COLEC12: variants seen among roughly 807,000 people sequenced by gnomAD.
COLEC12 encodes the protein collectin subfamily member 12, also known as collectin-12.
COLEC12 carries 33 observed loss-of-function variants against 71.1 expected under a neutral mutation model. That is an observed-to-expected ratio of 0.46 (90% confidence interval 0.35 to 0.62). COLEC12 has a LOEUF of 0.62. COLEC12 is among the 20% of genes least tolerant of loss of function. COLEC12 has a pLI of 0.00. For missense variants in COLEC12, 765 were observed against 916.1 expected (o/e 0.84, Z 2.13); for synonymous variants, 350 against 353.0 (o/e 0.99, Z 0.10).
At chr18:372,923 C>T (rs1002687549) in intron 2 of COLEC12, among the ~76,000 whole-genome samples, 3 of 152,080 alleles carry the variant, frequency 2.0e-5, no homozygotes, top group Non-Finnish European at 4.4e-5. Flanking sequence ...GTTAAACCTT[C>T]CCCCCATCTT....
At chr18:463,154 C>A (rs1431995011) in intron 2 of COLEC12, among the ~76,000 whole-genome samples, 4 of 152,194 alleles carry the variant, frequency 2.6e-5, no homozygotes, top group Non-Finnish European at 5.9e-5. Flanking sequence ...AGCTTCCAAC[C>A]TCTGCAGGCT....
At chr18:498,653 C>T (rs1002190629) in intron 1 of COLEC12, among the ~76,000 whole-genome samples, 2 of 152,070 alleles carry the variant, frequency 1.3e-5, no homozygotes, top group Non-Finnish European at 2.9e-5. Context: ...TGAGCCACCG[C>T]GCCCCGCTGG....
At chr18:419,355 G>A (rs951753130) in intron 2 of COLEC12, among the ~76,000 whole-genome samples, 3 of 152,214 alleles carry the variant, frequency 2.0e-5, no homozygotes, top group African/African-American at 7.2e-5. Context: ...ACAGGCGCAT[G>A]CCACCACACT....
chr18:325,852 T>TG (rs1913830786), intron 8 of COLEC12, among the ~76,000 whole-genome samples: 1 of 152,014 alleles, frequency 6.6e-6, no homozygotes. Flanking sequence ...TTTGTAGAGA[T>TG]GGGGTCTTGC....
At chr18:427,281 C>A (rs1306674723) in intron 2 of COLEC12, among the ~76,000 whole-genome samples, 1 of 152,188 alleles carries the variant, frequency 6.6e-6, no homozygotes, top group African/African-American at 2.4e-5. Flanking sequence ...GATGAGTCAG[C>A]AGACAACACG....
chr18:338,197 G>T (rs1914161834), intron 5 of COLEC12, among the ~76,000 whole-genome samples: 3 of 152,118 alleles, frequency 2.0e-5, no homozygotes, highest in South Asian at 4.2e-4. Flanking sequence ...ATCCTCCCAG[G>T]CCACTTCAGA....
At chr18:448,149 G>C (rs1055628622) in intron 2 of COLEC12, among the ~76,000 whole-genome samples, 1 of 152,224 alleles carries the variant, frequency 6.6e-6, no homozygotes, top group Non-Finnish European at 1.5e-5. Flanking sequence ...CAGTGCCTTT[G>C]TGTCTCTCTT....
At position 484,276 on chromosome 18, in the gene COLEC12, T is replaced by G. The variant is rs575649167; in HGVS notation, c.8-3519A>C. Among the ~76,000 whole-genome samples the G allele has an allele frequency of 9.5e-4, 144 of 152,338 alleles. 1 individual carries two copies. The highest frequency in any genetic ancestry group is 3.2e-4 in the Non-Finnish European group (22 of 68,028). On this transcript the variant is annotated intron_variant, in intron 1 of 9. Transcript: ENST00000400256. Reference sequence around the variant, plus strand: ...TTTTGTTATTAAAGCAATTTAGCTGTGTCCTGCTTCTACCTCCAAATTAAC... The same window carrying G: ...TTTTGTTATTAAAGCAATTTAGCTGGGTCCTGCTTCTACCTCCAAATTAAC...
intron 2 of COLEC12, among the ~76,000 whole-genome samples, chr18:360,569 C>T (rs961072178): frequency 6.6e-6 from 1 of 152,196 alleles, no homozygotes; most frequent in Admixed American, 6.5e-5. Flanking sequence ...GTGGACCACA[C>T]TCAGGAACAA....
intron 2 of COLEC12, among the ~76,000 whole-genome samples, chr18:435,598 ATC>A (rs5822567): frequency 0.87 from 131,396 of 151,316 alleles, 57,818 homozygotes; most frequent in East Asian, 1. Context: ...TTAAATCCAA[ATC>A]TCTCTCTCTC....
chr18:433,955 C>A (rs555013409), intron 2 of COLEC12, among the ~76,000 whole-genome samples: 50 of 103,854 alleles, frequency 4.8e-4, no homozygotes, highest in African/African-American at 1.5e-3. Flanking sequence ...CAAAGTGAGA[C>A]CCTGCCTCAA....
chr18:418,873 C>G (rs1940434), intron 2 of COLEC12, among the ~76,000 whole-genome samples: 129,964 of 152,206 alleles, frequency 0.85, 56,395 homozygotes, highest in Non-Finnish European at 0.93. Flanking sequence ...CATTCCTTTA[C>G]TTTCTTAATA....
intron 9 of COLEC12, among the ~76,000 whole-genome samples, chr18:321,105 A>C (rs935625685): frequency 2.0e-5 from 3 of 152,174 alleles, no homozygotes; most frequent in African/African-American, 4.8e-5. Context: ...CCCAGGCTGG[A>C]GTGCAATGGT....
chr18:482,118 CT>C (rs35339618), intron 1 of COLEC12, among the ~76,000 whole-genome samples: 1,898 of 141,094 alleles, frequency 0.013, 10 homozygotes, highest in Non-Finnish European at 0.019. Flanking sequence ...AGGAGGAACA[CT>C]TTTTTTTTTT....
intron 2 of COLEC12, among the ~76,000 whole-genome samples, chr18:376,714 GA>G (rs1915122317): frequency 6.6e-6 from 1 of 152,194 alleles, no homozygotes; most frequent in African/African-American, 2.4e-5. Flanking sequence ...ACCTTGATGA[GA>G]ATCCTACATT....
At chr18:378,671 C>T (rs1268770846) in intron 2 of COLEC12, among the ~76,000 whole-genome samples, 1 of 152,228 alleles carries the variant, frequency 6.6e-6, no homozygotes, top group African/African-American at 2.4e-5. Context: ...CTATTGTGCT[C>T]TCCGTGAGGT....
Position 334,968 on chromosome 18 carries a change from G to C in COLEC12, c.1590C>G (p.Gly530=), listed in dbSNP as rs779255664. ...CGGGGAGTCCCTCTTTGCCTGGTGG[G>C]CCCGGGGGGCCTGGGTCCCCACTGG... is the stretch of plus-strand genomic sequence containing the variant. ...QGSSGDPGPP[G]PPGKEGLPGP... Residue 530 remains glycine (G), a synonymous_variant, in exon 6 of 10, where the codon GGC becomes GGG. Transcript: ENST00000400256. The C allele has an allele frequency of 6.4e-7, 1 of 1,561,324 alleles. No homozygotes were observed. Among genetic ancestry groups the C allele is most frequent in the Non-Finnish European group, 8.6e-7 (1 of 1,158,228 alleles).
chr18:496,099 C>T (rs1156730574), intron 1 of COLEC12, among the ~76,000 whole-genome samples: 6 of 152,200 alleles, frequency 3.9e-5, no homozygotes, highest in African/African-American at 1.2e-4. Context: ...AAAGCTAATA[C>T]TTCAAGGTCC....
At chr18:403,051 A>C (rs1237756199) in intron 2 of COLEC12, among the ~76,000 whole-genome samples, 2 of 152,204 alleles carry the variant, frequency 1.3e-5, no homozygotes, top group Non-Finnish European at 2.9e-5. Flanking sequence ...ACTAAGAGCT[A>C]TGTATGGCCA....
Sources: gnomAD v4.1 joint callset for allele counts (sites outside exome capture counted in the v4.1 genomes callset) on GRCh38, gnomAD v4.1.1 for gene constraint, MANE v1.5 for transcripts, NCBI Gene and HGNC (gene_info 2026-07-23, HGNC 2026-07-21) for gene names.